The following PCP4L1 variants were observed in gnomAD, a reference collection of about 807,000 sequenced individuals.
PCP4L1 encodes Purkinje cell protein 4-like protein 1.
A neutral mutation model predicts 9.6 loss-of-function variants in PCP4L1; 9 were observed. The observed-to-expected ratio is 0.94, with a 90% CI of 0.57 to 1.64. PCP4L1 has a LOEUF of 1.64. PCP4L1 is among the 40% of genes most tolerant of loss of function. The pLI is 0.00. For missense variants in PCP4L1, 81 were observed against 80.8 expected (o/e 1.00, Z -0.01); for synonymous variants, 31 against 28.2 (o/e 1.10, Z -0.31).
intron 1 of PCP4L1, among the ~76,000 whole-genome samples, chr1:161,273,326 A>G (rs1669651149): frequency 6.6e-6 from 1 of 152,208 alleles, no homozygotes; most frequent in Non-Finnish European, 1.5e-5. Context: ...AGTGAGAAAC[A>G]TTTAGTCCTG....
intron 2 of PCP4L1, 66 bp downstream of exon 2, chr1:161,283,788 T>C: frequency 6.8e-7 from 1 of 1,477,280 alleles, no homozygotes. Context: ...ACAAGTAGGG[T>C]GAGTCTGGAA....
chr1:161,278,198 G>C (rs762963792), intron 1 of PCP4L1, among the ~76,000 whole-genome samples: 1 of 152,052 alleles, frequency 6.6e-6, no homozygotes, highest in Non-Finnish European at 1.5e-5. Context: ...GCCCTTTAAA[G>C]AAAGGCTCTT....
At chr1:161,271,537 T>C (rs1669625646) in intron 1 of PCP4L1, among the ~76,000 whole-genome samples, 1 of 152,158 alleles carries the variant, frequency 6.6e-6, no homozygotes, top group Non-Finnish European at 1.5e-5. Flanking sequence ...AGAGTCTTGC[T>C]CTGTCGCCCA....
rs1669887043 is a variant in PCP4L1 at position 161,285,079 on chromosome 1, A to G, written c.*598A>G. 6.5e-6 allele frequency: 1 copy of G among 153,158 alleles called. No homozygotes were observed. Among genetic ancestry groups the G allele is most frequent in the South Asian group, 2.1e-4 (1 of 4,854 alleles). The allele number at this position is 153,158 out of a possible 1,614,324, so 9.5% of individuals were successfully genotyped here. ...GGAGACTGGAATGCTGGTGTCAAGG[A>G]AAAGCCTCCCTCATCATCTAGTCTA... On this transcript the variant is annotated 3_prime_UTR_variant, in exon 3 of 3. Coordinates refer to ENST00000504449, the MANE Select transcript of PCP4L1 (RefSeq NM_001102566.2).
chr1:161,281,670 C>T (rs201591090), intron 1 of PCP4L1, among the ~76,000 whole-genome samples: 42,467 of 143,506 alleles, frequency 0.3, 7,222 homozygotes, highest in East Asian at 0.62. Context: ...ACTTCCCAGA[C>T]GGGGTGGCTG....
chr1:161,277,492 T>A (rs1283988651), intron 1 of PCP4L1, among the ~76,000 whole-genome samples: 1 of 152,242 alleles, frequency 6.6e-6, no homozygotes, highest in African/African-American at 2.4e-5. Flanking sequence ...CTTAGAGATT[T>A]CAGAGGATTA....
chr1:161,264,704 C>T (rs999347764), intron 1 of PCP4L1, among the ~76,000 whole-genome samples: 1 of 152,036 alleles, frequency 6.6e-6, no homozygotes, highest in Non-Finnish European at 1.5e-5. Flanking sequence ...TGGCACATGC[C>T]TGTGATCCCA....
intron 1 of PCP4L1, among the ~76,000 whole-genome samples, chr1:161,275,515 CA>C (rs11302998): frequency 0.71 from 65,139 of 91,866 alleles, 21,256 homozygotes; most frequent in Middle Eastern, 0.79. Context: ...GACTCCGTCT[CA>C]AAAAAAAAAA....
At chr1:161,265,707 C>A (rs1392136540) in intron 1 of PCP4L1, among the ~76,000 whole-genome samples, 1 of 146,514 alleles carries the variant, frequency 6.8e-6, no homozygotes. Flanking sequence ...CAAAAGTAAG[C>A]TAAATCAGAG....
intron 1 of PCP4L1, 101 bp from the exon 2 acceptor site, chr1:161,283,567 T>C: frequency 9.4e-7 from 1 of 1,062,456 alleles, no homozygotes. Context: ...GGAATGCACC[T>C]GGTAATAGGG....
intron 1 of PCP4L1, among the ~76,000 whole-genome samples, chr1:161,276,623 G>A (rs766037189): frequency 2.7e-4 from 41 of 151,268 alleles, no homozygotes; most frequent in Non-Finnish European, 5.9e-4. Context: ...CAAGGCTGCA[G>A]TGAGACATGA....
chr1:161,273,277 G>A (rs1437520576), intron 1 of PCP4L1, among the ~76,000 whole-genome samples: 3 of 152,156 alleles, frequency 2.0e-5, no homozygotes, highest in African/African-American at 4.8e-5. Flanking sequence ...GAGTTGATGG[G>A]CCTCACAGTT....
chr1:161,263,311 C>G (rs769817160), intron 1 of PCP4L1, among the ~76,000 whole-genome samples: 2 of 152,094 alleles, frequency 1.3e-5, no homozygotes, highest in Non-Finnish European at 2.9e-5. Context: ...AATCTCGGCT[C>G]GCTGCAACCT....
intron 1 of PCP4L1, among the ~76,000 whole-genome samples, chr1:161,269,408 A>G (rs1000178569): frequency 3.3e-5 from 5 of 152,156 alleles, no homozygotes; most frequent in Non-Finnish European, 4.4e-5. Flanking sequence ...CTTTTCCACA[A>G]CCTCTGAACT....
chr1:161,280,371 A>G (rs1268289931), intron 1 of PCP4L1, among the ~76,000 whole-genome samples: 2 of 152,072 alleles, frequency 1.3e-5, no homozygotes, highest in African/African-American at 2.4e-5. Context: ...TATTCCAGTA[A>G]TGATTCTCTT....
chr1:161,279,924 G>A (rs1440653570), intron 1 of PCP4L1, among the ~76,000 whole-genome samples: 1 of 152,168 alleles, frequency 6.6e-6, no homozygotes, highest in Non-Finnish European at 1.5e-5. Flanking sequence ...CCAAGTAGCT[G>A]AGACTACAGG....
At chr1:161,265,359 C>T (rs546568580) in intron 1 of PCP4L1, among the ~76,000 whole-genome samples, 12 of 152,048 alleles carry the variant, frequency 7.9e-5, no homozygotes, top group East Asian at 1.9e-4. Flanking sequence ...AGCAAGACCC[C>T]GTCTTTACAA....
At chr1:161,268,971 A>T (rs1165330682) in intron 1 of PCP4L1, among the ~76,000 whole-genome samples, 1 of 152,282 alleles carries the variant, frequency 6.6e-6, no homozygotes, top group Non-Finnish European at 1.5e-5. Context: ...TTGAACAGAT[A>T]GTCAATGCAG....
chr1:161,277,221 A>C (rs1408126316), intron 1 of PCP4L1, among the ~76,000 whole-genome samples: 1 of 152,258 alleles, frequency 6.6e-6, no homozygotes, highest in Non-Finnish European at 1.5e-5. Flanking sequence ...CAATCCCTTA[A>C]GGAAAGAAAA....
Sources: allele counts gnomAD v4.1 joint callset (sites outside exome capture counted in the v4.1 genomes callset), GRCh38; gene constraint gnomAD v4.1.1; transcripts MANE v1.5; gene names NCBI Gene and HGNC (gene_info 2026-07-23, HGNC 2026-07-21).